The following ACTN3 variants were observed in gnomAD, a reference collection of about 807,000 sequenced individuals.
The protein encoded by ACTN3 is actinin alpha 3, also known as alpha-actinin-3.
ACTN3 carries 91 observed loss-of-function variants against 119.6 expected under a neutral mutation model. The ratio of observed to expected loss-of-function variants is 0.76; its 90% CI spans 0.64 to 0.91. The LOEUF is 0.91. Among genes scored for constraint, ACTN3 ranks in the 40% least tolerant of loss-of-function variants. The probability of loss-of-function intolerance (pLI) is 0.00; values close to 1 mark genes in which losing one functional copy is unlikely to be tolerated. For synonymous variants in ACTN3, 456 were observed against 478.8 expected, an observed-to-expected ratio of 0.95 and a Z score of 0.62; for missense variants, 1,221 against 1,215.1, an observed-to-expected ratio of 1.00 and a Z score of -0.07.
upstream of ACTN3, chr11:66,546,406 C>A: frequency 1.3e-6 from 1 of 799,432 alleles, no homozygotes; most frequent in Non-Finnish European, 1.9e-6. Context: ...ATAGCCCTGC[C>A]GCAGCCCATC....
upstream of ACTN3, chr11:66,546,437 C>A: frequency 2.5e-6 from 3 of 1,182,600 alleles, no homozygotes; most frequent in Non-Finnish European, 3.5e-6. Context: ...AGAGCCGTTC[C>A]CCATGCCCGG....
chr11:66,547,620 C>T (rs1438990633), intron 1 of ACTN3, among the ~76,000 whole-genome samples: 1 of 152,174 alleles, frequency 6.6e-6, no homozygotes, highest in East Asian at 1.9e-4. Context: ...CCCCACATCA[C>T]AGACTGTCAG....
At position 66,558,077 on chromosome 11, in the gene ACTN3, G is replaced by C. The variant is rs751702499; in HGVS notation, c.1179G>C (p.Glu393Asp). Residue 393 changes from glutamate (E) to aspartate (D), a missense_variant, in exon 11 of 21, where the codon GAG (glutamate) becomes GAC (aspartate). Around this residue, in one of 3 missense-constraint regions of ACTN3, gnomAD observed 934 missense variants for 899.9 expected, o/e 1.04. Transcript: ENST00000513398. ...TGGAGCAGGTGGAAAAGGGCTATGA[G>C]GACTGGCTGCTCTCGGAGATCCGGC... ...RGLEQVEKGY[E>D]DWLLSEIRRL... 4.3e-6 allele frequency: 7 copies of C among 1,613,880 alleles called. No individual in the cohort carries two copies. In the East Asian group the frequency reaches 1.6e-4, roughly 36 times the overall value.
rs754047323 is a variant in ACTN3, at chr11:66,557,593, C to T, written c.898-106C>T. 5.0e-6 allele frequency: 6 copies of T among 1,211,432 alleles called. No homozygotes were observed. In the South Asian group the frequency reaches 8.4e-5, roughly 17 times the overall value. 75.0% of individuals were successfully genotyped at this position (1,211,432 alleles called of 1,614,324 possible). On this transcript the variant is annotated intron_variant, in intron 9 of 20. Coordinates refer to ENST00000513398, the MANE Select transcript of ACTN3 (RefSeq NM_001104.4). ...CCTGCTTTCGTAGTTGTCAAAGTCA[C>T]CCCCACCTACACTCTGGCCACAGCC...
upstream of ACTN3, chr11:66,546,880 A>G: frequency 6.6e-7 from 1 of 1,511,966 alleles, no homozygotes; most frequent in Non-Finnish European, 8.8e-7. Flanking sequence ...GCCCTACTTA[A>G]TGGGGCCCGG....
chr11:66,546,479 C>T, upstream of ACTN3: 2 of 1,506,194 alleles, frequency 1.3e-6, no homozygotes, highest in Non-Finnish European at 1.8e-6. Context: ...ACATGCAAAA[C>T]AGCTCGGCGC....
At chr11:66,558,284 T>G in intron 11 of ACTN3, 110 bp downstream of exon 11, 3 of 1,469,270 alleles carry the variant, frequency 2.0e-6, no homozygotes, top group Non-Finnish European at 2.7e-6. Context: ...GTAGGTGCTC[T>G]GCAGGAAAGC....
chr11:66,557,591 C>A, intron 9 of ACTN3, 108 bp from the exon 10 acceptor site: 1 of 1,187,864 alleles, frequency 8.4e-7, no homozygotes, highest in East Asian at 2.6e-5. Context: ...TTGTCAAAGT[C>A]ACCCCCACCT....
intron 15 of ACTN3, 28 bp downstream of exon 15, chr11:66,560,783 A>AC (rs756645101): frequency 8.9e-6 from 14 of 1,577,370 alleles, no homozygotes; most frequent in Non-Finnish European, 1.2e-5. Context: ...CCTTCCTCCC[A>AC]CCCCCTCCTG....
chr11:66,559,288 G>A lies in ACTN3; in HGVS notation c.1329G>A (p.Glu443=), dbSNP rs552188876. 6 of 1,574,660 alleles carry A rather than the reference G, an allele frequency of 3.8e-6. 1 individual carries two copies. In the East Asian group the frequency reaches 1.0e-4, roughly 26 times the overall value. The change falls in exon 12 of 21, where the codon GAG becomes GAA. Residue 443 remains glutamate, a synonymous_variant. Transcript: ENST00000513398. ...QRDYDSALLQ[E]VRALLRRHEA... ...ACTACGATTCGGCTTTGCTACAGGA[G>A]GTGCGGGCGTTGCTGCGGCGCCACG...
chr11:66,559,328 G>A lies in ACTN3; in HGVS notation c.1369G>A (p.Asp457Asn), dbSNP rs1397310837. Residue 457 changes from aspartate (D) to asparagine (N), a missense_variant, in exon 12 of 21, where the codon GAC (aspartate) becomes AAC (asparagine). Physicochemically the swap from Asp to Asn is conservative, Grantham distance 23. Coordinates refer to ENST00000513398, the MANE Select transcript of ACTN3 (RefSeq NM_001104.4). The part of the protein sequence containing the change: ...LLRRHEAFES[D>N]LAAHQDRVEH... ...GCGGCGCCACGAGGCCTTTGAGAGC[G>A]ACCTGGCGGCGCACCAGGACCGCGT... The A allele has an allele frequency of 2.5e-6, 4 of 1,576,070 alleles. No individual in the cohort carries two copies. Among genetic ancestry groups the A allele is most frequent in the Admixed American group, 1.8e-5 (1 of 55,446 alleles).
rs1405347697 is a variant in ACTN3, at chr11:66,557,746, G to T, written c.945G>T (p.Val315=). ...CTGTCCCATGGCTGGAGAACCGTGT[G>T]GGTGAGCCCAGCATGAGTGCCATGC... ...RRTVPWLENR[V]GEPSMSAMQR... Residue 315 remains valine (V), a synonymous_variant, in exon 10 of 21, where the codon GTG becomes GTT. Transcript: ENST00000513398. 1 of 1,613,538 alleles carries T rather than the reference G, an allele frequency of 6.2e-7. No homozygotes were observed. Among genetic ancestry groups the T allele is most frequent in the South Asian group, 1.1e-5 (1 of 90,958 alleles).
chr11:66,546,410 G>T, upstream of ACTN3: 2 of 824,252 alleles, frequency 2.4e-6, no homozygotes. Context: ...CCCTGCCGCA[G>T]CCCATCCAGC....
chr11:66,561,916 G>A (rs553121826), intron 17 of ACTN3, 106 bp from the exon 18 acceptor site: 2 of 1,383,362 alleles, frequency 1.4e-6, no homozygotes, highest in Non-Finnish European at 2.0e-6. Context: ...GAGGCCCAGT[G>A]AGGGGGAGGA....
intron 8 of ACTN3, 40 bp downstream of exon 8, chr11:66,556,270 C>T (rs927199890): frequency 8.8e-6 from 14 of 1,598,216 alleles, no homozygotes; most frequent in Non-Finnish European, 1.2e-5. Flanking sequence ...CTTGTGGACC[C>T]AAGGGCCCAA....
At chr11:66,554,998 G>A (rs897955868) in intron 5 of ACTN3, 132 bp from the exon 6 acceptor site, 19 of 790,356 alleles carry the variant, frequency 2.4e-5, no homozygotes, top group African/African-American at 1.2e-4. Flanking sequence ...GGCCTCAAAC[G>A]CCAAGCTAAG....
At chr11:66,550,324 G>A (rs1352072106) in intron 1 of ACTN3, among the ~76,000 whole-genome samples, 1 of 152,198 alleles carries the variant, frequency 6.6e-6, no homozygotes, top group Non-Finnish European at 1.5e-5. Context: ...AGGGCGGTAG[G>A]TTGGCAGAAA....
chr11:66,546,658 G>GTGGATT (rs1565301016), upstream of ACTN3: 1 of 1,529,990 alleles, frequency 6.5e-7, no homozygotes, highest in East Asian at 2.4e-5. Flanking sequence ...GAGAGGTCCC[G>GTGGATT]TGGATTTCTC....
At chr11:66,560,486 TG>T in intron 14 of ACTN3, 86 bp from the exon 15 acceptor site, 1 of 1,498,002 alleles carries the variant, frequency 6.7e-7, no homozygotes. Context: ...CCAGGACTGG[TG>T]GGTGGCCTGG....
Sources: allele counts gnomAD v4.1 joint callset (sites outside exome capture counted in the v4.1 genomes callset), GRCh38; gene constraint gnomAD v4.1.1; regional missense constraint gnomAD v4.1.1; transcripts MANE v1.5; gene names NCBI Gene and HGNC (gene_info 2026-07-23, HGNC 2026-07-21).